The following PHRF1 variants were observed in gnomAD, a reference collection of about 807,000 sequenced individuals.
The protein encoded by PHRF1 is PHD and ring finger domains 1.
Under a neutral mutation model 128.9 loss-of-function variants are expected in PHRF1, and 53 were observed. That is an observed-to-expected ratio of 0.41 (90% confidence interval 0.33 to 0.52). The LOEUF (loss-of-function observed/expected upper bound fraction) is 0.52. PHRF1 is among the 20% of genes least tolerant of loss of function. The probability of loss-of-function intolerance (pLI) is 0.21; values close to 1 mark genes in which losing one functional copy is unlikely to be tolerated. For missense variants in PHRF1, 2,503 were observed against 2,284.5 expected (o/e 1.10, Z -1.95); for synonymous variants, 1,178 against 980.6 (o/e 1.20, Z -3.76).
intron 4 of PHRF1, among the ~76,000 whole-genome samples, chr11:590,685 G>C (rs1333701150): frequency 1.3e-5 from 2 of 152,202 alleles, no homozygotes; most frequent in Non-Finnish European, 2.9e-5. Flanking sequence ...ACGTATACCT[G>C]ACTGTTATCC....
In PHRF1 at chr11:611,157, CTT is replaced by C. The variant is rs926982908; in HGVS notation, c.4806+77_4806+78del. On this transcript the variant is annotated intron_variant, in intron 17 of 17. Coordinates refer to ENST00000264555, the MANE Select transcript of PHRF1 (RefSeq NM_001286581.2). ...GTCGCTGCTGTCTCGTCAGCATGGACTTTGGGGTGGCCATGAGTGCAGGCCCG... is the reference window on the plus strand; with the variant it reads ...GTCGCTGCTGTCTCGTCAGCATGGACTGGGGTGGCCATGAGTGCAGGCCCG... The C allele has an allele frequency of 2.8e-5, 44 of 1,586,080 alleles. No individual in the cohort carries two copies. In the African/African-American group the frequency reaches 5.5e-4, roughly 20 times the overall value.
At position 601,579 on chromosome 11, in the gene PHRF1, CGGAAGAAAGTGCCG is replaced by C; in HGVS notation, c.1040_1053del (p.Val347GlufsTer11). Reference sequence around the variant, plus strand: ...CTTCAACCTCTTTTCCTTAGGAAGACGGAAGAAAGTGCCGGGAAGAAAGAAAACCCCGTCCGGAC... The same window carrying C: ...CTTCAACCTCTTTTCCTTAGGAAGACGGAAGAAAGAAAACCCCGTCCGGAC... On this transcript the variant is annotated frameshift_variant, in exon 10 of 18. Coordinates refer to ENST00000264555, the MANE Select transcript of PHRF1 (RefSeq NM_001286581.2). LOFTEE classifies it high-confidence loss of function. The C allele has an allele frequency of 6.2e-7, 1 of 1,613,622 alleles. No homozygotes were observed. Among genetic ancestry groups the C allele is most frequent in the Admixed American group, 1.7e-5 (1 of 60,006 alleles).
At position 597,466 on chromosome 11, in the gene PHRF1, C is replaced by T. The variant is rs368253631; in HGVS notation, c.790C>T (p.Arg264Trp). The T allele has an allele frequency of 5.2e-5, 84 of 1,612,476 alleles. No homozygotes were observed. The highest frequency in any genetic ancestry group is 6.4e-5 in the Non-Finnish European group (75 of 1,179,578). ...ADVVPTTSRLRPRAGRTRAIA... is the reference protein window; with the variant it reads ...ADVVPTTSRLWPRAGRTRAIA... ...TGTGGTGCCCACCACCAGCAGGCTT[C>T]GGCCTCGAGCAGGTAGGACCCGGGC... Residue 264 changes from arginine to tryptophan, a missense_variant, in exon 8 of 18, where the codon CGG becomes TGG. Arg to Trp is a moderately radical substitution (Grantham distance 101, BLOSUM62 -3). Transcript: ENST00000264555. This position sits in a 1 kb window ranked among gnomAD's most constrained non-coding sequence, Gnocchi z 6.5.
chr11:602,682 AAAAACAAAAC>A (rs368560706), intron 10 of PHRF1, among the ~76,000 whole-genome samples: 1 of 152,074 alleles, frequency 6.6e-6, no homozygotes, highest in East Asian at 1.9e-4. Flanking sequence ...ACTCTGCCTC[AAAAACAAAAC>A]AAAACAAAAC....
At chr11:580,792 G>A (rs1419268492) in intron 1 of PHRF1, among the ~76,000 whole-genome samples, 3 of 152,138 alleles carry the variant, frequency 2.0e-5, no homozygotes, top group African/African-American at 4.8e-5. Flanking sequence ...AGGTGCAAGC[G>A]ATTCTCCTGC....
chr11:579,711 G>A (rs1481336499), intron 1 of PHRF1, among the ~76,000 whole-genome samples: 1 of 152,242 alleles, frequency 6.6e-6, no homozygotes, highest in Non-Finnish European at 1.5e-5. Context: ...CCTTAGGGTG[G>A]CAGGTAGAAG....
At position 609,171 on chromosome 11, in the gene PHRF1, C is replaced by A. The variant is rs776591899; in HGVS notation, c.3715C>A (p.Pro1239Thr). The change falls in exon 14 of 18, where the codon CCC (proline) becomes ACC (threonine). Residue 1239 changes from proline (P) to threonine (T), a missense_variant. Pro to Thr is a conservative substitution (Grantham distance 38, BLOSUM62 -1). Coordinates refer to ENST00000264555, the MANE Select transcript of PHRF1 (RefSeq NM_001286581.2). ...GGAGGTGGCTACGGCCGACAAGGCC[C>A]CCCTGCAGGCTCCCCCTGTCCTGGA... ...SPEVATADKA[P>T]LQAPPVLEVA... The A allele has an allele frequency of 1.2e-6, 2 of 1,606,578 alleles. No individual in the cohort carries two copies. The highest frequency in any genetic ancestry group is 2.2e-5 in the South Asian group (2 of 91,078).
chr11:608,306 C>T lies in PHRF1; in HGVS notation c.2850C>T (p.Ser950=), dbSNP rs1413814756. 1.9e-6 allele frequency: 3 copies of T among 1,609,586 alleles called. No individual in the cohort carries two copies. The highest frequency in any genetic ancestry group is 2.2e-5 in the East Asian group (1 of 44,826). The stretch of plus-strand genomic sequence containing the variant: ...ATGAGGAGGATGGGGCGTCTTGCAG[C>T]ACCTTCTTTGGCTCTGAGGAGCGGA... ...PWDEEDGASC[S]TFFGSEERTV... The change falls in exon 14 of 18, where the codon AGC becomes AGT. Residue 950 remains serine, a synonymous_variant. Coordinates refer to ENST00000264555, the MANE Select transcript of PHRF1 (RefSeq NM_001286581.2).
chr11:591,264 T>C, intron 4 of PHRF1, 120 bp from the exon 5 acceptor site: 1 of 857,732 alleles, frequency 1.2e-6, no homozygotes, highest in Non-Finnish European at 1.9e-6. Flanking sequence ...GCCAGCAGCT[T>C]AGTGGAGGGC....
At chr11:587,974 T>C (rs1442938428) in intron 4 of PHRF1, among the ~76,000 whole-genome samples, 2 of 152,038 alleles carry the variant, frequency 1.3e-5, no homozygotes, top group African/African-American at 4.8e-5. Flanking sequence ...AGCAGTCAGC[T>C]CCCCCCTCCC....
intron 1 of PHRF1, among the ~76,000 whole-genome samples, chr11:579,370 G>A (rs1337929721): frequency 6.6e-6 from 1 of 152,122 alleles, no homozygotes; most frequent in African/African-American, 2.4e-5. Context: ...GGCAGGGACT[G>A]CATTCGCCTT....
intron 1 of PHRF1, among the ~76,000 whole-genome samples, chr11:577,279 G>C (rs930442061): frequency 6.6e-6 from 1 of 152,248 alleles, no homozygotes; most frequent in Non-Finnish European, 1.5e-5. Flanking sequence ...ATCCGCGCCA[G>C]CCCCGACTCC....
Position 607,723 on chromosome 11 carries a change from A to G in PHRF1, c.2267A>G (p.His756Arg), listed in dbSNP as rs1017701294. The G allele has an allele frequency of 3.1e-6, 5 of 1,611,790 alleles. No homozygotes were observed. Among genetic ancestry groups the G allele is most frequent in the Non-Finnish European group, 4.2e-6 (5 of 1,179,396 alleles). Residue 756 changes from histidine (H) to arginine (R), a missense_variant, in exon 14 of 18, where the codon CAT (histidine) becomes CGT (arginine). His to Arg is a conservative substitution (Grantham distance 29). Coordinates refer to ENST00000264555, the MANE Select transcript of PHRF1 (RefSeq NM_001286581.2). ...GSSRPPAPSS[H>R]GSLAPLGPSR... ...TCCCGGCCCCCAGCCCCCAGCTCCC[A>G]TGGCAGTTTGGCCCCACTGGGACCA...
rs1856001923 is a variant in PHRF1, at chr11:607,185, A to G, written c.1729A>G (p.Arg577Gly). ...GSPAQGPSGN[R>G]PQSTGLSCQG... ...CCCGGCCCAAGGCCCGTCAGGAAAC[A>G]GGCCACAGAGCACAGGGCTCAGCTG... The change falls in exon 14 of 18, where the codon AGG (arginine) becomes GGG (glycine). Residue 577 changes from arginine (R) to glycine (G), a missense_variant. Transcript: ENST00000264555. 1 of 1,612,666 alleles carries G rather than the reference A, an allele frequency of 6.2e-7. No homozygotes were observed.
At position 610,658 on chromosome 11, in the gene PHRF1, T is replaced by C; in HGVS notation, c.4574T>C (p.Leu1525Pro). The C allele has an allele frequency of 6.2e-7, 1 of 1,604,216 alleles. No homozygotes were observed. Among genetic ancestry groups the C allele is most frequent in the South Asian group, 1.1e-5 (1 of 91,066 alleles). ...ACCCTGGCCCCAGTGCCCGCTGCCC[T>C]GACCCCAGCCTCAGAGCCAGCCAGT... ...AQTLAPVPAA[L>P]TPASEPASQA... The change falls in exon 16 of 18, where the codon CTG becomes CCG. Residue 1525 changes from leucine (L) to proline (P), a missense_variant. Coordinates refer to ENST00000264555, the MANE Select transcript of PHRF1 (RefSeq NM_001286581.2).
chr11:596,815 C>T (rs1855306492), intron 6 of PHRF1, 108 bp from the exon 7 acceptor site: 13 of 888,766 alleles, frequency 1.5e-5, no homozygotes, highest in South Asian at 4.5e-5. Flanking sequence ...CAGAATGCAT[C>T]GCAGACTTGG....
rs959908035 is a variant in PHRF1 at position 612,130 on chromosome 11, G to A, written c.*353G>A. 35 of 350,680 alleles carry A rather than the reference G, an allele frequency of 1.0e-4. No homozygotes were observed. The highest frequency in any genetic ancestry group is 4.9e-4 in the South Asian group (10 of 20,466). 21.7% of individuals were successfully genotyped at this position (350,680 alleles called of 1,614,324 possible). A position where few individuals can be genotyped will look rare whatever the true frequency, so the allele number is the denominator to read the frequency against. ...CAAGAGGGGCTCCTGGTGGGGTGGC[G>A]CGTCCTTGATAAATCTCTAGGTGGC... On this transcript the variant is annotated 3_prime_UTR_variant, in exon 18 of 18. Coordinates refer to ENST00000264555, the MANE Select transcript of PHRF1 (RefSeq NM_001286581.2).
chr11:608,388 C>T lies in PHRF1; in HGVS notation c.2932C>T (p.Gln978Ter). 1 of 1,611,622 alleles carries T rather than the reference C, an allele frequency of 6.2e-7. No homozygotes were observed. Among genetic ancestry groups the T allele is most frequent in the Non-Finnish European group, 8.5e-7 (1 of 1,179,524 alleles). ...AGCCCCACCCAGCCCGGACGTGCTG[C>T]AGGCTGCCACCCACAGAGTCGTGGA... ...PEAPPSPDVLQAATHRVVELR... is the reference protein window; with the variant it reads ...PEAPPSPDVL Residue 978 changes from glutamine (Q) to a stop codon, truncating the protein, a stop_gained, in exon 14 of 18, where the codon CAG becomes TAG. Coordinates refer to ENST00000264555, the MANE Select transcript of PHRF1 (RefSeq NM_001286581.2). LOFTEE classifies it high-confidence loss of function.
rs986115432 is a variant in PHRF1 at position 607,392 on chromosome 11, G to A, written c.1936G>A (p.Ala646Thr). ...NKHTLPLASA[A>T]SKISSRDSKP... ...GCACACCTTGCCCCTTGCCTCTGCC[G>A]CGTCTAAGATCTCAAGCAGAGATTC... The change falls in exon 14 of 18, where the codon GCG becomes ACG. Residue 646 changes from alanine to threonine, a missense_variant. Transcript: ENST00000264555. 1.5e-5 allele frequency: 24 copies of A among 1,612,686 alleles called. No individual in the cohort carries two copies. The Middle Eastern group carries it at 4.9e-4, about 33-fold the overall frequency.
Sources: gnomAD v4.1 joint callset for allele counts (sites outside exome capture counted in the v4.1 genomes callset) on GRCh38, gnomAD v4.1.1 for gene constraint, Gnocchi (gnomAD v3.1) non-coding constraint, MANE v1.5 for transcripts, NCBI Gene and HGNC (gene_info 2026-07-23, HGNC 2026-07-21) for gene names.